The following PTPRM variants were observed in gnomAD, a reference collection of about 807,000 sequenced individuals.
PTPRM encodes the protein receptor-type tyrosine-protein phosphatase mu.
PTPRM carries 47 observed loss-of-function variants against 186.7 expected under a neutral mutation model. That is an observed-to-expected ratio of 0.25 (90% CI 0.20 to 0.32). The LOEUF is 0.32. Among genes scored for constraint, PTPRM ranks in the 10% least tolerant of loss-of-function variants. The pLI is 1.00. For missense variants in PTPRM, 1,494 were observed against 1,865.0 expected (o/e 0.80, Z 3.66); for synonymous variants, 668 against 674.9 (o/e 0.99, Z 0.16).
chr18:8,115,909 A>G (rs2091938787), intron 13 of PTPRM, among the ~76,000 whole-genome samples: 1 of 152,178 alleles, frequency 6.6e-6, no homozygotes, highest in Admixed American at 6.5e-5. Context: ...TGTGCCAGGC[A>G]TTGTGTGAGG....
chr18:8,155,489 A>G (rs956152309), intron 14 of PTPRM, among the ~76,000 whole-genome samples: 2 of 152,236 alleles, frequency 1.3e-5, no homozygotes, highest in Non-Finnish European at 2.9e-5. Context: ...AAATATAACT[A>G]TTTTAATTCT....
intron 23 of PTPRM, among the ~76,000 whole-genome samples, chr18:8,356,974 G>A (rs646684): frequency 0.23 from 35,203 of 152,082 alleles, 4,286 homozygotes; most frequent in Non-Finnish European, 0.27. Context: ...TTTTGGTGAC[G>A]GGATCCATTT....
intron 19 of PTPRM, among the ~76,000 whole-genome samples, chr18:8,296,127 G>A (rs1257240322): frequency 6.6e-6 from 1 of 152,158 alleles, no homozygotes; most frequent in Non-Finnish European, 1.5e-5. Flanking sequence ...AGAAATTGTG[G>A]GTTCACTCTT....
At chr18:7,992,099 C>A (rs2147641611) in intron 7 of PTPRM, among the ~76,000 whole-genome samples, 1 of 152,186 alleles carries the variant, frequency 6.6e-6, no homozygotes, top group Non-Finnish European at 1.5e-5. Context: ...TGTGTATTTT[C>A]CTCAGTACCG....
intron 23 of PTPRM, among the ~76,000 whole-genome samples, chr18:8,345,956 G>GGTATA: frequency 6.6e-6 from 1 of 152,240 alleles, no homozygotes; most frequent in South Asian, 2.1e-4. Flanking sequence ...TATTACAAAG[G>GGTATA]GTATAATAAG....
chr18:8,391,815 C>A (rs2095814660), intron 31 of PTPRM, among the ~76,000 whole-genome samples: 1 of 152,184 alleles, frequency 6.6e-6, no homozygotes, highest in South Asian at 2.1e-4. Flanking sequence ...CTCTTAAAAC[C>A]ATAAAACAAG....
At chr18:7,695,408 T>C (rs535247268) in intron 1 of PTPRM, among the ~76,000 whole-genome samples, 1 of 152,318 alleles carries the variant, frequency 6.6e-6, no homozygotes, top group East Asian at 1.9e-4. Context: ...TTGCATCTCA[T>C]GCTGATCAAT....
chr18:8,065,978 T>C (rs2089040253), intron 7 of PTPRM, among the ~76,000 whole-genome samples: 1 of 152,192 alleles, frequency 6.6e-6, no homozygotes, highest in South Asian at 2.1e-4. Context: ...TATAACTCAC[T>C]AGAGTAAATG....
At chr18:7,897,800 A>G (rs2049443989) in intron 3 of PTPRM, among the ~76,000 whole-genome samples, 1 of 152,004 alleles carries the variant, frequency 6.6e-6, no homozygotes, top group South Asian at 2.1e-4. Flanking sequence ...TTTGTCCTCT[A>G]CCTTAATTTC....
intron 4 of PTPRM, among the ~76,000 whole-genome samples, chr18:7,914,035 C>T (rs1265791047): frequency 6.6e-6 from 1 of 152,086 alleles, no homozygotes; most frequent in Non-Finnish European, 1.5e-5. Flanking sequence ...TGTAGTCACA[C>T]ATTGCTTACC....
chr18:7,607,055 G>A (rs2037547561), intron 1 of PTPRM, among the ~76,000 whole-genome samples: 1 of 151,914 alleles, frequency 6.6e-6, no homozygotes. Context: ...TAACCTGGGA[G>A]GTTTTCATGG....
At chr18:7,734,939 C>CAT (rs2040736333) in intron 1 of PTPRM, among the ~76,000 whole-genome samples, 1 of 152,134 alleles carries the variant, frequency 6.6e-6, no homozygotes, top group South Asian at 2.1e-4. Context: ...CACACACACA[C>CAT]ACGTTAACCA....
At chr18:8,120,087 A>G (rs2092113733) in intron 13 of PTPRM, among the ~76,000 whole-genome samples, 2 of 152,132 alleles carry the variant, frequency 1.3e-5, no homozygotes, top group African/African-American at 4.8e-5. Context: ...CTCTGTCACA[A>G]CTACGCAGGT....
chr18:8,095,442 G>A (rs1316455887), intron 11 of PTPRM, among the ~76,000 whole-genome samples: 1 of 152,074 alleles, frequency 6.6e-6, no homozygotes, highest in Non-Finnish European at 1.5e-5. Flanking sequence ...AGAATGAGAA[G>A]TGTGTTATAA....
chr18:7,747,856 A>T (rs1189833234), intron 1 of PTPRM, among the ~76,000 whole-genome samples: 1 of 152,168 alleles, frequency 6.6e-6, no homozygotes, highest in African/African-American at 2.4e-5. Flanking sequence ...TGAAATGAGG[A>T]CAGAATTTGA....
intron 22 of PTPRM, among the ~76,000 whole-genome samples, chr18:8,329,610 G>A (rs1390280108): frequency 6.6e-6 from 1 of 152,198 alleles, no homozygotes; most frequent in East Asian, 1.9e-4. Context: ...CTCCTTTACA[G>A]CCTGGTTCAT....
intron 22 of PTPRM, 118 bp downstream of exon 22, chr18:8,319,332 C>T (rs1404006413): frequency 2.5e-5 from 17 of 668,250 alleles, no homozygotes; most frequent in Non-Finnish European, 4.0e-5. Context: ...TTCTAGCCAT[C>T]GGCAGGTACA....
intron 14 of PTPRM, among the ~76,000 whole-genome samples, chr18:8,180,054 T>A (rs2093552722): frequency 6.6e-6 from 1 of 151,946 alleles, no homozygotes; most frequent in Admixed American, 6.6e-5. Flanking sequence ...ACCTGAAAAA[T>A]CAGCTTGGAA....
At chr18:8,081,526 A>G (rs953447934) in intron 9 of PTPRM, among the ~76,000 whole-genome samples, 1 of 152,204 alleles carries the variant, frequency 6.6e-6, no homozygotes, top group African/African-American at 2.4e-5. Flanking sequence ...ATAAGCATGT[A>G]TTGAATGAAC....
Sources: gnomAD v4.1 joint callset for allele counts (sites outside exome capture counted in the v4.1 genomes callset) on GRCh38, gnomAD v4.1.1 for gene constraint, MANE v1.5 for transcripts, NCBI Gene and HGNC (gene_info 2026-07-23, HGNC 2026-07-21) for gene names.